The following EPC1 variants were observed in gnomAD, a reference collection of about 807,000 sequenced individuals.
EPC1 encodes enhancer of polycomb 1.
A neutral mutation model predicts 98.4 loss-of-function variants in EPC1; 12 were observed. The ratio of observed to expected loss-of-function variants is 0.12; its 90% CI spans 0.08 to 0.20. The LOEUF (loss-of-function observed/expected upper bound fraction) is 0.20. EPC1 is among the 10% of genes least tolerant of loss of function. The pLI is 1.00. For missense variants in EPC1, 729 were observed against 990.5 expected (o/e 0.74, Z 3.54); for synonymous variants, 357 against 363.9 (o/e 0.98, Z 0.21).
In EPC1 at chr10:32,290,673, A is replaced by G. The variant is rs571629708; in HGVS notation, c.975+490T>C. Among the ~76,000 whole-genome samples the G allele has an allele frequency of 2.4e-4, 36 of 152,110 alleles. No homozygotes were observed. In the South Asian group the frequency reaches 6.0e-3, roughly 25 times the overall value. ...ACAAAAGCTTCCCTTTATAAGGAAG[A>G]GAAACAAAAATAAAATTTTAATTAT... On this transcript the variant is annotated intron_variant, in intron 6 of 13. Transcript: ENST00000319778.
chr10:32,324,158 G>A (rs1303122351), intron 1 of EPC1, among the ~76,000 whole-genome samples: 2 of 151,750 alleles, frequency 1.3e-5, no homozygotes, highest in Admixed American at 6.6e-5. Context: ...AGGATGGTCT[G>A]GACCTCCTAA....
chr10:32,297,973 AT>A (rs1197342529), intron 2 of EPC1, among the ~76,000 whole-genome samples: 1 of 151,294 alleles, frequency 6.6e-6, no homozygotes, highest in Non-Finnish European at 1.5e-5. Context: ...AATTTTTTGT[AT>A]TTTTAGTGGA....
chr10:32,356,751 G>A (rs1020434559), intron 1 of EPC1, among the ~76,000 whole-genome samples: 3 of 152,138 alleles, frequency 2.0e-5, no homozygotes, highest in Non-Finnish European at 4.4e-5. Flanking sequence ...TTGGGAGGCC[G>A]AGGCGGGCGG....
intron 1 of EPC1, among the ~76,000 whole-genome samples, chr10:32,335,232 C>G (rs1261369873): frequency 1.3e-5 from 2 of 152,132 alleles, no homozygotes; most frequent in African/African-American, 4.8e-5. Context: ...TAACCATTAT[C>G]AACAGAGTCC....
intron 1 of EPC1, among the ~76,000 whole-genome samples, chr10:32,375,188 AACAG>A (rs1311931552): frequency 1.3e-5 from 2 of 152,078 alleles, no homozygotes; most frequent in Non-Finnish European, 2.9e-5. Flanking sequence ...TAGAATTGGA[AACAG>A]ACAATTTCAG....
At chr10:32,358,248 C>A (rs114625933) in intron 1 of EPC1, among the ~76,000 whole-genome samples, 3 of 152,128 alleles carry the variant, frequency 2.0e-5, no homozygotes, top group Non-Finnish European at 4.4e-5. Flanking sequence ...ATCTGTAAAA[C>A]AATTTACTTA....
At chr10:32,275,758 G>C (rs758639375) in intron 10 of EPC1, among the ~76,000 whole-genome samples, 1 of 151,360 alleles carries the variant, frequency 6.6e-6, no homozygotes. Flanking sequence ...CTGGATGACA[G>C]AGCAAGACTC....
At chr10:32,377,871 A>C (rs532090946) in intron 1 of EPC1, among the ~76,000 whole-genome samples, 1 of 152,366 alleles carries the variant, frequency 6.6e-6, no homozygotes, top group South Asian at 2.1e-4. Flanking sequence ...CGTATAGGAG[A>C]AAAACAAGAT....
intron 2 of EPC1, among the ~76,000 whole-genome samples, chr10:32,296,122 G>A (rs551771516): frequency 6.6e-6 from 1 of 151,824 alleles, no homozygotes; most frequent in African/African-American, 2.4e-5. Context: ...TAGTAGAGAT[G>A]GGGTTTCACC....
chr10:32,356,008 GAAGGAACA>G (rs201794100), intron 1 of EPC1, among the ~76,000 whole-genome samples: 3,897 of 152,254 alleles, frequency 0.026, 170 homozygotes, highest in African/African-American at 0.09. Flanking sequence ...CATGATGGGT[GAAGGAACA>G]AAGGAACAAA....
In EPC1 at chr10:32,300,368, A is replaced by G. The variant is rs12245583; in HGVS notation, c.313+5404T>C. The stretch of plus-strand genomic sequence containing the variant: ...CATTAACTCGTCATTTACATTAGGC[A>G]TATCTCCTAATGCTTTCCCTCCCGC... On this transcript the variant is annotated intron_variant, in intron 2 of 13. Coordinates refer to ENST00000319778, the MANE Select transcript of EPC1 (RefSeq NM_001272004.3). Among the ~76,000 whole-genome samples the G allele has an allele frequency of 5.7e-3, 854 of 151,078 alleles. 13 individuals carry two copies. The highest frequency in any genetic ancestry group is 0.02 in the African/African-American group (818 of 41,018).
At chr10:32,318,557 T>G (rs1163071712) in intron 1 of EPC1, among the ~76,000 whole-genome samples, 1 of 152,188 alleles carries the variant, frequency 6.6e-6, no homozygotes, top group East Asian at 1.9e-4. Flanking sequence ...CCTTACTATA[T>G]GTTCCACAGA....
intron 1 of EPC1, chr10:32,374,211 T>C (rs763180374): frequency 1.3e-5 from 2 of 152,284 alleles, no homozygotes; most frequent in Non-Finnish European, 2.9e-5. Context: ...ATATATACCA[T>C]TAGAAATTAT....
chr10:32,366,289 T>G (rs1233147138), intron 1 of EPC1, among the ~76,000 whole-genome samples: 2 of 152,186 alleles, frequency 1.3e-5, no homozygotes, highest in Non-Finnish European at 2.9e-5. Context: ...AGGGGAAATA[T>G]AAAAGAAAAT....
At chr10:32,368,085 C>T (rs1839650190) in intron 1 of EPC1, among the ~76,000 whole-genome samples, 1 of 152,216 alleles carries the variant, frequency 6.6e-6, no homozygotes, top group Admixed American at 6.5e-5. Context: ...GCCATCAAAA[C>T]TTACCTGGCA....
chr10:32,318,172 A>G (rs1156758016), intron 1 of EPC1, among the ~76,000 whole-genome samples: 1 of 152,222 alleles, frequency 6.6e-6, no homozygotes, highest in Non-Finnish European at 1.5e-5. Context: ...CCGCAATCTA[A>G]TTGAATCATT....
intron 10 of EPC1, among the ~76,000 whole-genome samples, chr10:32,276,298 G>GTCAGGAA (rs1836090448): frequency 6.6e-6 from 1 of 152,172 alleles, no homozygotes; most frequent in African/African-American, 2.4e-5. Context: ...ATCACCGGAG[G>GTCAGGAA]TCAGGAATTT....
At chr10:32,288,720 A>G (rs910054488) in intron 6 of EPC1, among the ~76,000 whole-genome samples, 9 of 152,080 alleles carry the variant, frequency 5.9e-5, no homozygotes, top group African/African-American at 2.2e-4. Flanking sequence ...ATCTTAAAAT[A>G]TGATAACTGA....
intron 1 of EPC1, among the ~76,000 whole-genome samples, chr10:32,352,533 T>C (rs1260942203): frequency 6.6e-6 from 1 of 152,116 alleles, no homozygotes; most frequent in Non-Finnish European, 1.5e-5. Context: ...AAAATCCAGC[T>C]CAAATATCAC....
Sources: gnomAD v4.1 joint callset for allele counts (sites outside exome capture counted in the v4.1 genomes callset) on GRCh38, gnomAD v4.1.1 for gene constraint, MANE v1.5 for transcripts, NCBI Gene and HGNC (gene_info 2026-07-23, HGNC 2026-07-21) for gene names.